The following ADGRL2 variants were observed in gnomAD, a reference collection of about 807,000 sequenced individuals.
The protein encoded by ADGRL2 is adhesion G protein-coupled receptor L2.
A neutral mutation model predicts 157.4 loss-of-function variants in ADGRL2; 44 were observed. The observed-to-expected ratio is 0.28, with a 90% confidence interval of 0.22 to 0.36. ADGRL2 has a LOEUF of 0.36. Ranked by LOEUF, ADGRL2 falls within the 10% of genes least tolerant of loss-of-function variation. ADGRL2 has a pLI of 1.00. For synonymous variants in ADGRL2, 585 were observed against 624.7 expected, an observed-to-expected ratio of 0.94 and a Z score of 0.95; for missense variants, 1,510 against 1,768.9, an observed-to-expected ratio of 0.85 and a Z score of 2.63.
At chr1:81,810,995 C>T (rs1368045185) in intron 1 of ADGRL2, among the ~76,000 whole-genome samples, 1 of 151,776 alleles carries the variant, frequency 6.6e-6, no homozygotes, top group Non-Finnish European at 1.5e-5. Context: ...TAGGAATGTT[C>T]TCCCACTTTG....
rs1657164962 is a variant in ADGRL2, at chr1:81,966,743, AT to A, written c.2349+138del. On this transcript the variant is annotated intron_variant, in intron 13 of 23. Coordinates refer to ENST00000686636, the MANE Select transcript of ADGRL2 (RefSeq NM_001366006.2). ...GGAAAGACAAGACCTTTCCATTTGA[AT>A]TTTAAATGTTGGACTAGGTCAGAGA... 87 of 734,510 alleles carry A rather than the reference AT, an allele frequency of 1.2e-4. 2 individuals carry two copies. Among genetic ancestry groups the A allele is most frequent in the South Asian group, 1.1e-3 (62 of 58,874 alleles). The allele number at this position is 734,510 out of a possible 1,614,324, so 45.5% of individuals were successfully genotyped here.
At chr1:81,631,225 G>A (rs540201207) in intron 3 of ADGRL2, among the ~76,000 whole-genome samples, 1 of 149,772 alleles carries the variant, frequency 6.7e-6, no homozygotes, top group Non-Finnish European at 1.5e-5. Flanking sequence ...CTTTTCTTTT[G>A]TTTTTTTTTG....
chr1:81,580,341 A>G (rs548733410), intron 2 of ADGRL2, among the ~76,000 whole-genome samples: 5 of 151,724 alleles, frequency 3.3e-5, no homozygotes, highest in Admixed American at 2.0e-4. Context: ...TACAAAATAA[A>G]CACAACTGTG....
At chr1:81,757,629 G>A (rs1194448377) in intron 1 of ADGRL2, among the ~76,000 whole-genome samples, 23 of 152,250 alleles carry the variant, frequency 1.5e-4, no homozygotes, top group Non-Finnish European at 2.9e-5. Flanking sequence ...TGGCTACACT[G>A]GAGTCTCTGT....
rs913364019 is a variant in ADGRL2 at position 81,660,854 on chromosome 1, A to T, written c.-143+79874A>T. 2.0e-5 allele frequency among the ~76,000 whole-genome samples: 3 copies of T among 152,344 alleles called. No individual in the cohort carries two copies. The South Asian group carries it at 6.2e-4, about 32-fold the overall frequency. On this transcript the variant is annotated intron_variant, in intron 3 of 24. Transcript: ENST00000370721. The stretch of plus-strand genomic sequence containing the variant: ...CAAACACTGTGCAATTATATGACAG[A>T]TAAAGCATACTTGGGTCTTGCAAGG...
chr1:81,570,733 C>T (rs557578214), intron 2 of ADGRL2, among the ~76,000 whole-genome samples: 9 of 152,148 alleles, frequency 5.9e-5, no homozygotes, highest in African/African-American at 2.2e-4. Flanking sequence ...TAATACTTAC[C>T]TCATATTCAA....
chr1:81,801,931 C>G (rs1267904751), intron 1 of ADGRL2, among the ~76,000 whole-genome samples: 1 of 152,056 alleles, frequency 6.6e-6, no homozygotes, highest in Non-Finnish European at 1.5e-5. Flanking sequence ...TGTGAAAGAC[C>G]TCTCTCGAAG....
At chr1:81,387,064 G>A (rs917438710) in intron 1 of ADGRL2, among the ~76,000 whole-genome samples, 1 of 151,970 alleles carries the variant, frequency 6.6e-6, no homozygotes, top group African/African-American at 2.4e-5. Flanking sequence ...TATGAGAGTT[G>A]GTCCTCATTT....
intron 2 of ADGRL2, among the ~76,000 whole-genome samples, chr1:81,870,052 G>A (rs1162968896): frequency 6.6e-6 from 1 of 151,964 alleles, no homozygotes; most frequent in Non-Finnish European, 1.5e-5. Flanking sequence ...GACTTAGCTT[G>A]TTACTGCCAA....
At chr1:81,950,149 G>T (rs766302002) in intron 6 of ADGRL2, 40 bp from the exon 7 acceptor site, 19 of 1,554,842 alleles carry the variant, frequency 1.2e-5, no homozygotes, top group Non-Finnish European at 1.4e-5. Flanking sequence ...GTGAGTGCAA[G>T]TGTGTGTTTG....
At chr1:81,811,599 A>G (rs2089877475) in intron 1 of ADGRL2, among the ~76,000 whole-genome samples, 1 of 151,830 alleles carries the variant, frequency 6.6e-6, no homozygotes, top group African/African-American at 2.4e-5. Flanking sequence ...CACATTGTGT[A>G]AACAAATCTA....
chr1:81,584,537 G>A (rs534305417), intron 3 of ADGRL2, among the ~76,000 whole-genome samples: 32 of 152,196 alleles, frequency 2.1e-4, no homozygotes, highest in Admixed American at 1.1e-3. Flanking sequence ...AGCTACATCC[G>A]AATTGTTTTT....
At chr1:81,570,238 G>GGTT (rs2080656112) in intron 2 of ADGRL2, among the ~76,000 whole-genome samples, 4 of 152,124 alleles carry the variant, frequency 2.6e-5, no homozygotes, top group Non-Finnish European at 5.9e-5. Context: ...TATGTTCCCA[G>GGTT]CACAAAATAT....
intron 1 of ADGRL2, among the ~76,000 whole-genome samples, chr1:81,382,534 T>C (rs1426608214): frequency 6.6e-6 from 1 of 152,070 alleles, no homozygotes; most frequent in Non-Finnish European, 1.5e-5. Flanking sequence ...TTTGCTTTTT[T>C]AAAAGCAACT....
At chr1:81,413,085 T>C (rs968654695) in intron 1 of ADGRL2, among the ~76,000 whole-genome samples, 1 of 152,190 alleles carries the variant, frequency 6.6e-6, no homozygotes, top group Non-Finnish European at 1.5e-5. Context: ...GGGACTTTTA[T>C]TCCTCTAATT....
intron 3 of ADGRL2, among the ~76,000 whole-genome samples, chr1:81,670,944 A>C (rs892717330): frequency 6.6e-6 from 1 of 152,174 alleles, no homozygotes; most frequent in Non-Finnish European, 1.5e-5. Flanking sequence ...TCCTGAGCTA[A>C]AGTGATCCAG....
At position 81,616,679 on chromosome 1, in the gene ADGRL2, C is replaced by CTTTTTTTTTTTTTTTTTTTTTT. The variant is rs1164087131; in HGVS notation, c.-143+35714_-143+35715insTTTTTTTTTTTTTTTTTTTTTT. ...TTTTTCTTTTCTTTTCTTTTCTTTT[C>CTTTTTTTTTTTTTTTTTTTTTT]TTTTTTTTTTTTTTTGAGACAGGGT... On this transcript the variant is annotated intron_variant, in intron 3 of 24. Coordinates refer to the ADGRL2 transcript ENST00000370721. 3.4e-4 allele frequency among the ~76,000 whole-genome samples: 36 copies of CTTTTTTTTTTTTTTTTTTTTTT among 105,984 alleles called. 1 individual carries two copies. Among genetic ancestry groups the CTTTTTTTTTTTTTTTTTTTTTT allele is most frequent in the Non-Finnish European group, 4.0e-4 (22 of 54,462 alleles). The allele number at this position is 105,984 out of a possible 152,430, so 69.5% of individuals were successfully genotyped here.
At chr1:81,879,192 A>G (rs750109336) in intron 2 of ADGRL2, among the ~76,000 whole-genome samples, 10 of 152,220 alleles carry the variant, frequency 6.6e-5, no homozygotes, top group Non-Finnish European at 1.3e-4. Flanking sequence ...CAACATATAA[A>G]TGAGTAGAAT....
In ADGRL2 at chr1:81,970,432, A is replaced by G. The variant is rs1035160763; in HGVS notation, c.2852A>G (p.Tyr951Cys). ...TTAGTTGAAGTTTTTGAAAGTGAAT[A>G]TTCAAGGAAAAAATATTACTATGTT... is the stretch of plus-strand genomic sequence containing the variant. ...LMLVEVFESE[Y>C]SRKKYYYVAG... The change falls in exon 16 of 24, where the codon TAT becomes TGT. Residue 951 changes from tyrosine (Y) to cysteine (C), a missense_variant. By Grantham distance (194) the Tyr-to-Cys change is radical. Around this residue, in one of 4 missense-constraint regions of ADGRL2, gnomAD observed 497 missense variants for 627.2 expected, o/e 0.79. Coordinates refer to ENST00000686636, the MANE Select transcript of ADGRL2 (RefSeq NM_001366006.2). 1 of 1,560,112 alleles carries G rather than the reference A, an allele frequency of 6.4e-7. No individual in the cohort carries two copies. The highest frequency in any genetic ancestry group is 2.1e-5 in the Admixed American group (1 of 47,878).
Sources: allele counts gnomAD v4.1 joint callset (sites outside exome capture counted in the v4.1 genomes callset), GRCh38; gene constraint gnomAD v4.1.1; regional missense constraint gnomAD v4.1.1; transcripts MANE v1.5; gene names NCBI Gene and HGNC (gene_info 2026-07-23, HGNC 2026-07-21).